PXN: variants seen among roughly 807,000 people sequenced by gnomAD.
The protein encoded by PXN is testicular tissue protein Li 134.
PXN carries 61 observed loss-of-function variants against 103.6 expected under a neutral mutation model. The ratio of observed to expected loss-of-function variants is 0.59; its 90% CI spans 0.48 to 0.73. The LOEUF is 0.73. Ranked by LOEUF, PXN falls within the 30% of genes least tolerant of loss-of-function variation. The pLI is 0.00. For missense variants in PXN, 1,274 were observed against 1,460.3 expected (o/e 0.87, Z 2.08); for synonymous variants, 562 against 607.8 (o/e 0.92, Z 1.11).
At chr12:120,252,330 G>A (rs550104778) in intron 1 of PXN, among the ~76,000 whole-genome samples, 2 of 152,248 alleles carry the variant, frequency 1.3e-5, no homozygotes, top group East Asian at 1.9e-4. Flanking sequence ...GGGGCAGAGC[G>A]GGAGACAGAA....
intron 1 of PXN, among the ~76,000 whole-genome samples, chr12:120,263,140 A>G (rs1320963040): frequency 1.3e-5 from 2 of 151,814 alleles, no homozygotes; most frequent in African/African-American, 2.4e-5. Context: ...CAGGAGAAAA[A>G]TAAAAACAAG....
intron 1 of PXN, among the ~76,000 whole-genome samples, chr12:120,258,257 C>T (rs1309506769): frequency 1.3e-5 from 2 of 152,068 alleles, no homozygotes; most frequent in Non-Finnish European, 2.9e-5. Context: ...CAAACTCCAA[C>T]CAGAGTTCGG....
chr12:120,245,446 C>T (rs1276565013), intron 1 of PXN, among the ~76,000 whole-genome samples: 1 of 151,026 alleles, frequency 6.6e-6, no homozygotes, highest in Non-Finnish European at 1.5e-5. Flanking sequence ...AAAAAAAAAA[C>T]AAAACAATGT....
At chr12:120,235,171 A>G (rs934703813) in intron 1 of PXN, among the ~76,000 whole-genome samples, 1 of 152,092 alleles carries the variant, frequency 6.6e-6, no homozygotes, top group Non-Finnish European at 1.5e-5. Flanking sequence ...GTGGCTTTGA[A>G]CCCAGAATCG....
At chr12:120,237,508 G>A (rs1373285173) in intron 1 of PXN, among the ~76,000 whole-genome samples, 1 of 152,118 alleles carries the variant, frequency 6.6e-6, no homozygotes, top group Non-Finnish European at 1.5e-5. Flanking sequence ...AGAGCTAGGA[G>A]TGCAAAGAAT....
At chr12:120,262,701 G>A (rs1010258363) in intron 1 of PXN, among the ~76,000 whole-genome samples, 3 of 152,158 alleles carry the variant, frequency 2.0e-5, no homozygotes, top group Non-Finnish European at 2.9e-5. Flanking sequence ...AACATGAACA[G>A]AGGAAGAGCA....
At position 120,221,071 on chromosome 12, in the gene PXN, C is replaced by T. The variant is rs951594996; in HGVS notation, c.831+552G>A. ...CTGGCCCCATGGTTTCCCACAGACA[C>T]GCTCGTGGGAACTCAGAGGCCCTGG... On this transcript the variant is annotated intron_variant, in intron 6 of 14. Coordinates refer to ENST00000637617, the MANE Select transcript of PXN (RefSeq NM_001385981.1). This position sits in a 1 kb window ranked among gnomAD's most constrained non-coding sequence, Gnocchi z 6.6. Among the ~76,000 whole-genome samples, 3 of 152,120 alleles carry T rather than the reference C, an allele frequency of 2.0e-5. No homozygotes were observed. Among genetic ancestry groups the T allele is most frequent in the Non-Finnish European group, 4.4e-5 (3 of 68,026 alleles).
In PXN at chr12:120,217,193, C is replaced by T; in HGVS notation, c.1717-77G>A. The T allele has an allele frequency of 8.2e-7, 1 of 1,221,586 alleles. No individual in the cohort carries two copies. The highest frequency in any genetic ancestry group is 2.6e-5 in the East Asian group (1 of 38,984). The allele number at this position is 1,221,586 out of a possible 1,614,324, so 75.7% of individuals were successfully genotyped here. On this transcript the variant is annotated intron_variant, in intron 7 of 14. Transcript: ENST00000637617. This position sits in a 1 kb window ranked among gnomAD's most constrained non-coding sequence, Gnocchi z 4.1. Reference sequence around the variant, plus strand: ...ACGCTGCTCAGGCCACACTCAGATGCCTCAGGAGAGGGAGCACAAAAGAAA... The same window carrying T: ...ACGCTGCTCAGGCCACACTCAGATGTCTCAGGAGAGGGAGCACAAAAGAAA...
At chr12:120,259,972 T>C (rs1315038513) in intron 1 of PXN, among the ~76,000 whole-genome samples, 1 of 152,174 alleles carries the variant, frequency 6.6e-6, no homozygotes, top group Non-Finnish European at 1.5e-5. Context: ...ACAAGGAGCA[T>C]GTTCGGGTGC....
chr12:120,226,237 G>C, intron 1 of PXN: 1 of 1,277,236 alleles, frequency 7.8e-7, no homozygotes, highest in South Asian at 1.3e-5. Context: ...ACCATGGGCA[G>C]GGCCAGCTAA....
At chr12:120,236,157 C>G (rs1208372138) in intron 1 of PXN, among the ~76,000 whole-genome samples, 1 of 152,188 alleles carries the variant, frequency 6.6e-6, no homozygotes, top group Non-Finnish European at 1.5e-5. Context: ...TGTGTCTGGG[C>G]ACAAGAGGGC....
chr12:120,244,517 G>A (rs1003883010), intron 1 of PXN, among the ~76,000 whole-genome samples: 17 of 152,006 alleles, frequency 1.1e-4, no homozygotes, highest in Admixed American at 2.6e-4. Flanking sequence ...GCGTGGTGGC[G>A]GGCGCCTGTA....
At position 120,226,756 on chromosome 12, in the gene PXN, C is replaced by A. The variant is rs1886962550; in HGVS notation, c.14-2379G>T. ...CAGACCTGAGTTCAAGTGCCAGCTCCCCTCTCTACCATCCATGCCACAGGG... is the reference window on the plus strand; with the variant it reads ...CAGACCTGAGTTCAAGTGCCAGCTCACCTCTCTACCATCCATGCCACAGGG... On this transcript the variant is annotated intron_variant, in intron 1 of 14. Transcript: ENST00000637617. The A allele has an allele frequency of 2.8e-6, 3 of 1,079,338 alleles. No individual in the cohort carries two copies. In the South Asian group the frequency reaches 7.5e-5, roughly 27 times the overall value. 66.9% of individuals were successfully genotyped at this position (1,079,338 alleles called of 1,614,324 possible). A position where few individuals can be genotyped will look rare whatever the true frequency, so the allele number is the denominator to read the frequency against.
At position 120,222,858 on chromosome 12, in the gene PXN, C is replaced by G; in HGVS notation, c.493+5G>C. The G allele has an allele frequency of 1.2e-6, 2 of 1,613,472 alleles. No homozygotes were observed. The highest frequency in any genetic ancestry group is 1.7e-6 in the Non-Finnish European group (2 of 1,179,620). On this transcript the variant is annotated splice_donor_5th_base_variant and intron_variant, in intron 4 of 14. Coordinates refer to ENST00000637617, the MANE Select transcript of PXN (RefSeq NM_001385981.1). This position sits in a 1 kb window ranked among gnomAD's most constrained non-coding sequence, Gnocchi z 4.7. ...GTAGACCCTGCCCCAGGGACCCGGTCCTACCTGCAGGGAAGCCTGGCGGGT... is the reference window on the plus strand; with the variant it reads ...GTAGACCCTGCCCCAGGGACCCGGTGCTACCTGCAGGGAAGCCTGGCGGGT...
Position 120,224,271 on chromosome 12 carries a change from G to T in PXN, c.120C>A (p.Tyr40Ter). 6.2e-7 allele frequency: 1 copy of T among 1,613,796 alleles called. No homozygotes were observed. The highest frequency in any genetic ancestry group is 8.5e-7 in the Non-Finnish European group (1 of 1,179,726). Residue 40 changes from tyrosine to a stop codon, truncating the protein, a stop_gained, in exon 2 of 15, where the codon TAC (tyrosine) becomes TAA (stop). Coordinates refer to ENST00000637617, the MANE Select transcript of PXN (RefSeq NM_001385981.1). LOFTEE classifies it high-confidence loss of function. This position sits in a 1 kb window ranked among gnomAD's most constrained non-coding sequence, Gnocchi z 5.0. ...CGGGGGGTGGCACGGCAATCTCCTG[G>T]TATGTGTGGTTTCCAGTTGGGTATG... ...PYSYPTGNHT[Y>*]QEIAVPPPVP...
chr12:120,239,326 A>G (rs546255728), intron 1 of PXN, among the ~76,000 whole-genome samples: 1 of 151,972 alleles, frequency 6.6e-6, no homozygotes, highest in South Asian at 2.1e-4. Flanking sequence ...GCTCACGCCT[A>G]TAATCCCAGC....
chr12:120,264,918 T>C (rs1894445200), intron 1 of PXN, among the ~76,000 whole-genome samples: 1 of 151,400 alleles, frequency 6.6e-6, no homozygotes. Flanking sequence ...TGAGAGAAAA[T>C]GAGTGATGGG....
intron 1 of PXN, among the ~76,000 whole-genome samples, chr12:120,234,500 C>T (rs1366003060): frequency 6.6e-6 from 1 of 152,190 alleles, no homozygotes. Flanking sequence ...CCACTGTCCA[C>T]ACATAAAACC....
intron 1 of PXN, among the ~76,000 whole-genome samples, chr12:120,239,745 T>C (rs1889821160): frequency 6.6e-6 from 1 of 152,182 alleles, no homozygotes; most frequent in African/African-American, 2.4e-5. Context: ...AGCGAGACTC[T>C]GTCTCAGATA....
Sources: allele counts gnomAD v4.1 joint callset (sites outside exome capture counted in the v4.1 genomes callset), GRCh38; gene constraint gnomAD v4.1.1; non-coding constraint Gnocchi (gnomAD v3.1); transcripts MANE v1.5; gene names NCBI Gene and HGNC (gene_info 2026-07-23, HGNC 2026-07-21).